CCDC3: variants seen among roughly 807,000 people sequenced by gnomAD.
The protein encoded by CCDC3 is coiled-coil domain containing 3.
A neutral mutation model predicts 21.4 loss-of-function variants in CCDC3; 24 were observed. That is an observed-to-expected ratio of 1.12 (90% CI 0.81 to 1.58). The LOEUF (loss-of-function observed/expected upper bound fraction) is 1.58, where lower values mean the gene tolerates loss of function less well. Among genes scored for constraint, CCDC3 ranks in the 40% most tolerant of loss-of-function variants. The pLI is 0.00. For synonymous variants in CCDC3, 186 were observed against 166.0 expected, an observed-to-expected ratio of 1.12 and a Z score of -0.93; for missense variants, 425 against 360.9, an observed-to-expected ratio of 1.18 and a Z score of -1.44.
At chr10:12,899,608 G>A (rs185683220) in intron 2 of CCDC3, among the ~76,000 whole-genome samples, 21 of 152,290 alleles carry the variant, frequency 1.4e-4, no homozygotes, top group Admixed American at 5.2e-4. Context: ...AAGGTTTGCC[G>A]TTTTTAAAGG....
intron 2 of CCDC3, among the ~76,000 whole-genome samples, chr10:12,991,329 T>TG (rs1186238038): frequency 6.6e-6 from 1 of 152,122 alleles, no homozygotes; most frequent in African/African-American, 2.4e-5. Context: ...TGTTTTGTTT[T>TG]TTTTTCCTTG....
intron 5 of CCDC3, among the ~76,000 whole-genome samples, chr10:13,033,034 T>A (rs528092167): frequency 5.3e-5 from 8 of 152,272 alleles, no homozygotes; most frequent in Admixed American, 2.0e-4. Flanking sequence ...CATTGCCAAG[T>A]CAATCCTAAG....
In CCDC3 at chr10:13,001,474, C is replaced by A. The variant is rs2131288414; in HGVS notation, c.97G>T (p.Glu33Ter). 8.6e-6 allele frequency: 12 copies of A among 1,400,976 alleles called. No individual in the cohort carries two copies. Among genetic ancestry groups the A allele is most frequent in the Non-Finnish European group, 1.1e-5 (12 of 1,079,544 alleles). The allele number at this position is 1,400,976 out of a possible 1,614,324, so 86.8% of individuals were successfully genotyped here. The change falls in exon 1 of 3, where the codon GAG (glutamate) becomes TAG (stop). Residue 33 changes from glutamate (E) to a stop codon, truncating the protein, a stop_gained. Coordinates refer to ENST00000378825, the MANE Select transcript of CCDC3 (RefSeq NM_031455.4). LOFTEE classifies it high-confidence loss of function. ...TCGGCCAGCTCGGCGCGGCAGCCCTCGCTCAGGGGCCTCCACTCGGAGGGC... is the reference window on the plus strand; with the variant it reads ...TCGGCCAGCTCGGCGCGGCAGCCCTAGCTCAGGGGCCTCCACTCGGAGGGC... ...QLPSEWRPLS[E>*]GCRAELAETI... is the part of the protein sequence containing the mutation.
intron 5 of CCDC3, among the ~76,000 whole-genome samples, chr10:13,016,610 C>G (rs200376524): frequency 2.0e-5 from 3 of 151,870 alleles, no homozygotes; most frequent in Admixed American, 2.0e-4. Flanking sequence ...TCCCTTCCCC[C>G]GGGGTCACAT....
At chr10:12,972,309 A>AGT (rs1835355948) in intron 2 of CCDC3, among the ~76,000 whole-genome samples, 1 of 152,128 alleles carries the variant, frequency 6.6e-6, no homozygotes, top group South Asian at 2.1e-4. Context: ...AGCCACCTGG[A>AGT]GACTCATCCC....
intron 5 of CCDC3, among the ~76,000 whole-genome samples, chr10:13,045,069 T>C (rs1002132873): frequency 2.0e-5 from 3 of 152,206 alleles, no homozygotes; most frequent in Non-Finnish European, 4.4e-5. Context: ...AACAAGCTCA[T>C]CTTTAACAGG....
intron 2 of CCDC3, among the ~76,000 whole-genome samples, chr10:12,971,734 G>A (rs1474581753): frequency 6.6e-6 from 1 of 152,126 alleles, no homozygotes; most frequent in Non-Finnish European, 1.5e-5. Context: ...TGCCCAGGCT[G>A]GAGTGCAGTG....
At position 13,070,513 on chromosome 10, in the gene CCDC3, G is replaced by A. The variant is rs540954682; in HGVS notation, c.-270+3355C>T. Reference sequence around the variant, plus strand: ...TGGGAGAAACTGGCCTCATATCTTCGTACACAGTCCCCATACAGGGTTCCT... The same window carrying A: ...TGGGAGAAACTGGCCTCATATCTTCATACACAGTCCCCATACAGGGTTCCT... On this transcript the variant is annotated intron_variant, in intron 4 of 6. Transcript: ENST00000378839. 9.2e-5 allele frequency among the ~76,000 whole-genome samples: 14 copies of A among 152,192 alleles called. 1 individual carries two copies. In the East Asian group the frequency reaches 2.1e-3, roughly 23 times the overall value.
intron 2 of CCDC3, among the ~76,000 whole-genome samples, chr10:12,947,990 T>G (rs886811039): frequency 6.6e-6 from 1 of 152,202 alleles, no homozygotes; most frequent in African/African-American, 2.4e-5. Flanking sequence ...ACATGCAGCC[T>G]GACTCCAGAG....
At chr10:12,905,560 T>A (rs1174963726) in intron 2 of CCDC3, among the ~76,000 whole-genome samples, 1 of 152,184 alleles carries the variant, frequency 6.6e-6, no homozygotes. Flanking sequence ...CTCACCCCTT[T>A]CCCACCACTT....
intron 2 of CCDC3, among the ~76,000 whole-genome samples, chr10:12,948,792 G>A (rs1390781381): frequency 3.7e-5 from 5 of 136,724 alleles, no homozygotes; most frequent in Non-Finnish European, 7.6e-5. Context: ...GACTGCAGTG[G>A]CCTATCTCGG....
At chr10:13,048,408 A>G (rs550129601) in intron 5 of CCDC3, among the ~76,000 whole-genome samples, 3 of 152,128 alleles carry the variant, frequency 2.0e-5, no homozygotes, top group South Asian at 4.2e-4. Flanking sequence ...TGGCCAGGAC[A>G]GTCTTGATTT....
intron 5 of CCDC3, among the ~76,000 whole-genome samples, chr10:13,038,193 C>T (rs1253129252): frequency 6.6e-6 from 1 of 151,928 alleles, no homozygotes; most frequent in Non-Finnish European, 1.5e-5. Context: ...AAAACACACA[C>T]TGGGGCCTAT....
At chr10:13,088,839 A>T (rs1837143789) in intron 3 of CCDC3, among the ~76,000 whole-genome samples, 1 of 152,164 alleles carries the variant, frequency 6.6e-6, no homozygotes, top group African/African-American at 2.4e-5. Flanking sequence ...CCTGGCCAAT[A>T]TAGTGAAACC....
intron 2 of CCDC3, among the ~76,000 whole-genome samples, chr10:12,937,857 A>C (rs767256044): frequency 6.6e-6 from 1 of 152,042 alleles, no homozygotes; most frequent in Non-Finnish European, 1.5e-5. Flanking sequence ...TTAAGCCATT[A>C]TTTGGCACCC....
chr10:13,047,161 A>G (rs1200404218), intron 5 of CCDC3, among the ~76,000 whole-genome samples: 1 of 151,664 alleles, frequency 6.6e-6, no homozygotes, highest in Non-Finnish European at 1.5e-5. Context: ...CAATTATAGG[A>G]AAGAACGCAT....
chr10:13,030,217 C>T (rs1273740535), intron 5 of CCDC3, among the ~76,000 whole-genome samples: 1 of 152,138 alleles, frequency 6.6e-6, no homozygotes, highest in African/African-American at 2.4e-5. Context: ...ATTTTCAACC[C>T]AGAATTTCAT....
At chr10:12,964,279 G>A (rs1259206783) in intron 2 of CCDC3, among the ~76,000 whole-genome samples, 1 of 152,068 alleles carries the variant, frequency 6.6e-6, no homozygotes, top group Non-Finnish European at 1.5e-5. Flanking sequence ...GGCTGAGGCA[G>A]GAGAATCGCT....
rs944663346 is a variant in CCDC3 at position 13,044,016 on chromosome 10, C to A, written c.-2+5658G>T. Among the ~76,000 whole-genome samples the A allele has an allele frequency of 5.8e-3, 11 of 1,890 alleles. No homozygotes were observed. In the Non-Finnish European group the frequency reaches 0.13, roughly 22 times the overall value. 1.2% of individuals were successfully genotyped at this position (1,890 alleles called of 152,430 possible). ...CTTTTCTCTGAAGCCTCACTAGCATCTGTTGTTTTTTTGACTTTTTAATAA... is the reference window on the plus strand; with the variant it reads ...CTTTTCTCTGAAGCCTCACTAGCATATGTTGTTTTTTTGACTTTTTAATAA... On this transcript the variant is annotated intron_variant, in intron 5 of 6. Transcript: ENST00000378839.
Sources: gnomAD v4.1 joint callset for allele counts (sites outside exome capture counted in the v4.1 genomes callset) on GRCh38, gnomAD v4.1.1 for gene constraint, MANE v1.5 for transcripts, NCBI Gene and HGNC (gene_info 2026-07-23, HGNC 2026-07-21) for gene names.